Variants in GAREM1 observed in about 807,000 individuals in gnomAD.
The protein encoded by GAREM1 is GRB2-associated and regulator of MAPK protein 1.
GAREM1 carries 26 observed loss-of-function variants against 71.3 expected under a neutral mutation model. That is an observed-to-expected ratio of 0.36 (90% CI 0.27 to 0.51). GAREM1 has a LOEUF of 0.51. GAREM1 is among the 20% of genes least tolerant of loss of function. The probability of loss-of-function intolerance (pLI) is 0.95; values close to 1 mark genes in which losing one functional copy is unlikely to be tolerated. For synonymous variants in GAREM1, 440 were observed against 433.2 expected (o/e 1.02, Z -0.20); for missense variants, 1,026 against 1,103.1 (o/e 0.93, Z 0.99).
At chr18:32,413,136 C>T (rs2048436575) in intron 1 of GAREM1, 2 of 1,545,796 alleles carry the variant, frequency 1.3e-6, no homozygotes, top group Middle Eastern at 2.4e-4. Flanking sequence ...GAAGAGCTTC[C>T]TCAGCTGTTC....
intron 1 of GAREM1, among the ~76,000 whole-genome samples, chr18:32,468,809 A>C (rs1444945791): frequency 6.6e-6 from 1 of 152,182 alleles, no homozygotes; most frequent in African/African-American, 2.4e-5. Context: ...AAGGACTCAC[A>C]ATCTGCCAAT....
At chr18:32,391,983 C>A (rs776235302) in intron 2 of GAREM1, among the ~76,000 whole-genome samples, 6 of 152,150 alleles carry the variant, frequency 3.9e-5, no homozygotes, top group Non-Finnish European at 8.8e-5. Context: ...TGTGTCTAGA[C>A]AGTGGGAATA....
At chr18:32,387,205 G>A (rs2048156005) in intron 2 of GAREM1, among the ~76,000 whole-genome samples, 2 of 152,150 alleles carry the variant, frequency 1.3e-5, no homozygotes, top group Middle Eastern at 3.4e-3. Context: ...ATTAATTGTA[G>A]AATAAAAACC....
At chr18:32,335,158 C>T (rs1278380547) in intron 2 of GAREM1, among the ~76,000 whole-genome samples, 1 of 152,194 alleles carries the variant, frequency 6.6e-6, no homozygotes, top group Non-Finnish European at 1.5e-5. Context: ...TCTCTACAGC[C>T]TCTAATCTTT....
intron 1 of GAREM1, among the ~76,000 whole-genome samples, chr18:32,421,485 C>T (rs999735323): frequency 2.6e-5 from 4 of 152,154 alleles, no homozygotes; most frequent in Non-Finnish European, 5.9e-5. Context: ...TCACATCATT[C>T]CCCTGCTTTG....
Position 32,470,868 on chromosome 18 carries a change from C to T in GAREM1, c.-440G>A, listed in dbSNP as rs565771289. 2.8e-4 allele frequency among the ~76,000 whole-genome samples: 42 copies of T among 150,922 alleles called. No homozygotes were observed. The highest frequency in any genetic ancestry group is 9.7e-4 in the African/African-American group (40 of 41,406). ...GGGTCTGAGAAACGCCATAGCAGCG[C>T]TCCCAGCACTGACTAATCAACAAGG... is the stretch of plus-strand genomic sequence containing the variant. On this transcript the variant is annotated 5_prime_UTR_variant, in exon 1 of 6. Transcript: ENST00000269209. The surrounding 1 kb of genome is among the most constrained non-coding windows in gnomAD (Gnocchi z 4.4).
At position 32,267,115 on chromosome 18, in the gene GAREM1, A is replaced by G. The variant is rs757786708; in HGVS notation, c.*756T>C. ...CAACAGATTGTTTAAAAGTGAACAG[A>G]TGTTATCTAAAATATCAGAATCAAA... On this transcript the variant is annotated 3_prime_UTR_variant, in exon 6 of 6. Coordinates refer to ENST00000269209, the MANE Select transcript of GAREM1 (RefSeq NM_001242409.2). The G allele has an allele frequency of 6.6e-6, 1 of 152,222 alleles. No homozygotes were observed. Among genetic ancestry groups the G allele is most frequent in the Non-Finnish European group, 1.5e-5 (1 of 68,046 alleles). The allele number at this position is 152,222 out of a possible 1,614,324, so 9.4% of individuals were successfully genotyped here. A position where few individuals can be genotyped will look rare whatever the true frequency, so the allele number is the denominator to read the frequency against.
chr18:32,440,386 T>C (rs2048723055), intron 1 of GAREM1, among the ~76,000 whole-genome samples: 1 of 152,134 alleles, frequency 6.6e-6, no homozygotes, highest in Non-Finnish European at 1.5e-5. Context: ...GTTCAAATTC[T>C]CAAGAGAGAA....
intron 4 of GAREM1, among the ~76,000 whole-genome samples, chr18:32,282,889 T>G (rs2046969150): frequency 6.6e-6 from 1 of 152,152 alleles, no homozygotes; most frequent in South Asian, 2.1e-4. Context: ...TTTTGTAGAG[T>G]ACATCTGGGT....
At chr18:32,328,019 G>C (rs1292559807) in intron 2 of GAREM1, among the ~76,000 whole-genome samples, 1 of 152,074 alleles carries the variant, frequency 6.6e-6, no homozygotes, top group Admixed American at 6.6e-5. Context: ...GATTCCATAA[G>C]AGAATTAAAT....
intron 2 of GAREM1, among the ~76,000 whole-genome samples, chr18:32,368,735 T>C (rs1567982706): frequency 6.6e-6 from 1 of 152,254 alleles, no homozygotes; most frequent in Non-Finnish European, 1.5e-5. Flanking sequence ...GCTCATTCTT[T>C]CACATATTTT....
At position 32,268,145 on chromosome 18, in the gene GAREM1, G is replaced by A. The variant is rs766426013; in HGVS notation, c.2357C>T (p.Pro786Leu). ...IFSASYPFSS[P>L]LHLQLAPRSC... ...TCTGGGGGCCAGCTGGAGATGGAGC[G>A]GAGATGAGAAAGGGTAGGAGGCAGA... The change falls in exon 6 of 6, where the codon CCG (proline) becomes CTG (leucine). Residue 786 changes from proline (P) to leucine (L), a missense_variant. Transcript: ENST00000269209. The A allele has an allele frequency of 3.8e-5, 61 of 1,613,996 alleles. No homozygotes were observed. Among genetic ancestry groups the A allele is most frequent in the Middle Eastern group, 1.6e-4 (1 of 6,084 alleles).
At chr18:32,414,545 T>C (rs1375505992) in intron 1 of GAREM1, among the ~76,000 whole-genome samples, 1 of 151,940 alleles carries the variant, frequency 6.6e-6, no homozygotes, top group Non-Finnish European at 1.5e-5. Flanking sequence ...TGAATAAACC[T>C]ACAAATCAAT....
chr18:32,439,118 G>A lies in GAREM1; in HGVS notation c.121+31190C>T, dbSNP rs188858587. Among the ~76,000 whole-genome samples the A allele has an allele frequency of 7.2e-5, 11 of 152,236 alleles. No homozygotes were observed. In the East Asian group the frequency reaches 1.9e-3, roughly 27 times the overall value. ...AATACTATTATTTGCAAGACCTGGAGCTTAAACAGCATAATTGCAGAGGAT... is the reference window on the plus strand; with the variant it reads ...AATACTATTATTTGCAAGACCTGGAACTTAAACAGCATAATTGCAGAGGAT... On this transcript the variant is annotated intron_variant, in intron 1 of 5. Transcript: ENST00000269209.
chr18:32,300,099 A>T (rs766363394), intron 3 of GAREM1, among the ~76,000 whole-genome samples: 4 of 152,200 alleles, frequency 2.6e-5, no homozygotes, highest in Non-Finnish European at 5.9e-5. Context: ...TAAAATACTG[A>T]AAGGAAATTA....
At chr18:32,440,549 C>T (rs1364477601) in intron 1 of GAREM1, among the ~76,000 whole-genome samples, 2 of 152,170 alleles carry the variant, frequency 1.3e-5, no homozygotes, top group Non-Finnish European at 2.9e-5. Flanking sequence ...GATTTTGTTC[C>T]TTCCTTTAAG....
chr18:32,282,802 T>C (rs1209834344), intron 4 of GAREM1, among the ~76,000 whole-genome samples: 1 of 152,184 alleles, frequency 6.6e-6, no homozygotes, highest in African/African-American at 2.4e-5. Context: ...TTGTGCAATA[T>C]AAAGTCTTCC....
At chr18:32,390,160 C>T (rs917859649) in intron 2 of GAREM1, among the ~76,000 whole-genome samples, 9 of 152,106 alleles carry the variant, frequency 5.9e-5, no homozygotes, top group African/African-American at 1.4e-4. Flanking sequence ...GACAGAGTGA[C>T]ACCTTGTTTC....
intron 5 of GAREM1, 112 bp downstream of exon 5, chr18:32,270,105 T>C: frequency 8.8e-7 from 1 of 1,135,650 alleles, no homozygotes; most frequent in Non-Finnish European, 1.3e-6. Context: ...TAAAAAGCCA[T>C]TTCCTCTCCC....
Sources: gnomAD v4.1 joint callset for allele counts (sites outside exome capture counted in the v4.1 genomes callset) on GRCh38, gnomAD v4.1.1 for gene constraint, Gnocchi (gnomAD v3.1) non-coding constraint, MANE v1.5 for transcripts, NCBI Gene and HGNC (gene_info 2026-07-23, HGNC 2026-07-21) for gene names.